The following PCDHGA7 variants were observed in gnomAD, a reference collection of about 807,000 sequenced individuals.
PCDHGA7 encodes protocadherin gamma subfamily A, 7.
Under a neutral mutation model 58.3 loss-of-function variants are expected in PCDHGA7, and 44 were observed. The observed-to-expected ratio is 0.75, with a 90% confidence interval of 0.59 to 0.97. The LOEUF is 0.97. PCDHGA7 is among the 50% of genes least tolerant of loss of function. The probability of loss-of-function intolerance (pLI) is 0.00; values close to 1 mark genes in which losing one functional copy is unlikely to be tolerated. For missense variants in PCDHGA7, 1,266 were observed against 1,188.7 expected, an observed-to-expected ratio of 1.06 and a Z score of -0.96; for synonymous variants, 516 against 504.2, an observed-to-expected ratio of 1.02 and a Z score of -0.31.
intron 1 of PCDHGA7, chr5:141,394,966 G>C (rs758463890): frequency 1.9e-6 from 3 of 1,613,768 alleles, no homozygotes; most frequent in Admixed American, 3.3e-5. Context: ...AGGCTGAGGC[G>C]CTGGCACAAG....
intron 1 of PCDHGA7, among the ~76,000 whole-genome samples, chr5:141,436,809 A>T (rs2097847373): frequency 6.6e-6 from 1 of 152,242 alleles, no homozygotes; most frequent in Non-Finnish European, 1.5e-5. Context: ...TTTTTGTGAC[A>T]GCTGGTTTAA....
chr5:141,496,621 C>A (rs1297797187), intron 2 of PCDHGA7, among the ~76,000 whole-genome samples: 1 of 152,214 alleles, frequency 6.6e-6, no homozygotes. Context: ...AGCAGCAGAT[C>A]AAAAGGCTTG....
intron 1 of PCDHGA7, among the ~76,000 whole-genome samples, chr5:141,494,529 G>C (rs952931724): frequency 1.3e-5 from 2 of 152,132 alleles, no homozygotes; most frequent in African/African-American, 4.8e-5. Flanking sequence ...TCTGACTCTG[G>C]GGGCAGGGAG....
chr5:141,497,812 T>C (rs947015544), intron 2 of PCDHGA7, among the ~76,000 whole-genome samples: 2 of 152,202 alleles, frequency 1.3e-5, no homozygotes, highest in African/African-American at 4.8e-5. Flanking sequence ...AGTGCTAGAA[T>C]TACAGGTGTG....
chr5:141,432,374 C>T lies in PCDHGA7; in HGVS notation c.2424+47051C>T. The T allele has an allele frequency of 6.2e-7, 1 of 1,614,240 alleles. No individual in the cohort carries two copies. The highest frequency in any genetic ancestry group is 1.1e-5 in the South Asian group (1 of 91,082). ...GAAAGTGATGGCGCGGGACAACGGG[C>T]ACCCGCCCCTCAGCAGCAACGTGTC... On this transcript the variant is annotated intron_variant, in intron 1 of 3. Transcript: ENST00000518325. The surrounding 1 kb of genome is among the most constrained non-coding windows in gnomAD (Gnocchi z 6.0).
In PCDHGA7 at chr5:141,382,874, G is replaced by A. The variant is rs369372304; in HGVS notation, c.-26G>A. ...TTCTGAAGCACTTCCCGAGATCGGCGCCTAAGCAAGAGAAGCAGGACGACT... is the reference window on the plus strand; with the variant it reads ...TTCTGAAGCACTTCCCGAGATCGGCACCTAAGCAAGAGAAGCAGGACGACT... On this transcript the variant is annotated 5_prime_UTR_variant, in exon 1 of 4. Transcript: ENST00000518325. The A allele has an allele frequency of 1.6e-5, 24 of 1,523,072 alleles. No homozygotes were observed. The highest frequency in any genetic ancestry group is 1.8e-6 in the Non-Finnish European group (2 of 1,137,232). 94.3% of individuals were successfully genotyped at this position (1,523,072 alleles called of 1,614,324 possible).
At chr5:141,410,006 G>T (rs1201569227) in intron 1 of PCDHGA7, 8 of 1,613,274 alleles carry the variant, frequency 5.0e-6, no homozygotes, top group Non-Finnish European at 5.1e-6. Context: ...GGGACACAAC[G>T]CCTGGCTGTC....
At chr5:141,389,117 G>A in intron 1 of PCDHGA7, 1 of 1,614,024 alleles carries the variant, frequency 6.2e-7, no homozygotes, top group Admixed American at 1.7e-5. Flanking sequence ...TAGACCGCGA[G>A]CAGAATCCAG....
chr5:141,486,091 G>A lies in PCDHGA7; in HGVS notation c.2425-8716G>A, dbSNP rs2099624256. On this transcript the variant is annotated intron_variant, in intron 1 of 3. Coordinates refer to ENST00000518325, the MANE Select transcript of PCDHGA7 (RefSeq NM_018920.4). This position sits in a 1 kb window ranked among gnomAD's most constrained non-coding sequence, Gnocchi z 5.0. ...CTACTGGAAAGCTTACTCTTTTGGGGCCCCTAGACTTTGAGAGTGAGAATT... is the reference window on the plus strand; with the variant it reads ...CTACTGGAAAGCTTACTCTTTTGGGACCCCTAGACTTTGAGAGTGAGAATT... 2 of 1,614,158 alleles carry A rather than the reference G, an allele frequency of 1.2e-6. No homozygotes were observed. Among genetic ancestry groups the A allele is most frequent in the Non-Finnish European group, 1.7e-6 (2 of 1,180,024 alleles).
In PCDHGA7 at chr5:141,432,085, G is replaced by A. The variant is rs144065251; in HGVS notation, c.2424+46762G>A. 2.2e-4 allele frequency: 353 copies of A among 1,614,164 alleles called. 1 individual carries two copies. The African/African-American group carries it at 4.2e-3, about 19-fold the overall frequency. ...CGGAAACTCATATCTCGCTGAACGT[G>A]GCAGACACCAACGACAACCCGCCGG... On this transcript the variant is annotated intron_variant, in intron 1 of 3. Transcript: ENST00000518325. This position sits in a 1 kb window ranked among gnomAD's most constrained non-coding sequence, Gnocchi z 6.0.
In PCDHGA7 at chr5:141,485,423, C is replaced by A; in HGVS notation, c.2425-9384C>A. On this transcript the variant is annotated intron_variant, in intron 1 of 3. Transcript: ENST00000518325. This position sits in a 1 kb window ranked among gnomAD's most constrained non-coding sequence, Gnocchi z 5.7. Reference sequence around the variant, plus strand: ...CCGTGTGGATTTGGACAGCGGAGCCCTGCTCATCAAGAACCCAATCGACCG... The same window carrying A: ...CCGTGTGGATTTGGACAGCGGAGCCATGCTCATCAAGAACCCAATCGACCG... 1 of 1,614,204 alleles carries A rather than the reference C, an allele frequency of 6.2e-7. No homozygotes were observed. The highest frequency in any genetic ancestry group is 8.5e-7 in the Non-Finnish European group (1 of 1,180,036).
intron 1 of PCDHGA7, chr5:141,403,407 A>T (rs2094404225): frequency 6.2e-7 from 1 of 1,613,940 alleles, no homozygotes. Context: ...GGAGCACGTT[A>T]TCCACTTCCA....
chr5:141,395,518 C>T (rs1046650715), intron 1 of PCDHGA7: 2 of 412,004 alleles, frequency 4.9e-6, no homozygotes, highest in Admixed American at 4.2e-5. Context: ...AGCTACCCGT[C>T]CATACTGGTA....
At chr5:141,394,175 T>A in intron 1 of PCDHGA7, 1 of 1,613,944 alleles carries the variant, frequency 6.2e-7, no homozygotes, top group South Asian at 1.1e-5. Flanking sequence ...CTTTCCCTCA[T>A]GCCTCCTACT....
At chr5:141,421,238 G>A (rs920128735) in intron 1 of PCDHGA7, 1 of 1,597,540 alleles carries the variant, frequency 6.3e-7, no homozygotes, top group African/African-American at 1.3e-5. Context: ...ATGGCGAATC[G>A]GCTACAGCGC....
At chr5:141,447,149 T>C (rs2098528211) in intron 1 of PCDHGA7, among the ~76,000 whole-genome samples, 1 of 152,212 alleles carries the variant, frequency 6.6e-6, no homozygotes, top group African/African-American at 2.4e-5. Flanking sequence ...TTTGTTTTTG[T>C]TTTTGTTTAA....
chr5:141,423,237 C>T (rs761825236), intron 1 of PCDHGA7: 74 of 1,613,798 alleles, frequency 4.6e-5, no homozygotes, highest in Middle Eastern at 3.3e-4. Flanking sequence ...ACAGCATCCC[C>T]GAAGTCCTGG....
chr5:141,394,560 G>GGGCT, intron 1 of PCDHGA7: 2 of 1,614,118 alleles, frequency 1.2e-6, no homozygotes, highest in Non-Finnish European at 1.7e-6. Flanking sequence ...CCGCTCCGCA[G>GGGCT]AGCGTGGCTA....
At chr5:141,414,439 T>A in intron 1 of PCDHGA7, 1 of 1,613,874 alleles carries the variant, frequency 6.2e-7, no homozygotes, top group East Asian at 2.2e-5. Context: ...GGTATCCTCT[T>A]ACAATATCAC....
Sources: gnomAD v4.1 joint callset for allele counts (sites outside exome capture counted in the v4.1 genomes callset) on GRCh38, gnomAD v4.1.1 for gene constraint, Gnocchi (gnomAD v3.1) non-coding constraint, MANE v1.5 for transcripts, NCBI Gene and HGNC (gene_info 2026-07-23, HGNC 2026-07-21) for gene names.